RYR2: variants seen among roughly 807,000 people sequenced by gnomAD.
RYR2 encodes ryanodine receptor 2.
A neutral mutation model predicts 601.1 loss-of-function variants in RYR2; 227 were observed. That is an observed-to-expected ratio of 0.38 (90% CI 0.34 to 0.42). The LOEUF (loss-of-function observed/expected upper bound fraction) is 0.42. RYR2 is among the 10% of genes least tolerant of loss of function. The pLI is 1.00. For missense variants in RYR2, 4,646 were observed against 6,156.5 expected, an observed-to-expected ratio of 0.75 and a Z score of 8.21; for synonymous variants, 2,223 against 2,175.1, an observed-to-expected ratio of 1.02 and a Z score of -0.61.
At chr1:237,168,875 G>A (rs144380194) in intron 1 of RYR2, among the ~76,000 whole-genome samples, 9 of 152,092 alleles carry the variant, frequency 5.9e-5, no homozygotes, top group East Asian at 1.9e-4. Flanking sequence ...AAGTCTATCC[G>A]AGTCTTTCCT....
intron 6 of RYR2, among the ~76,000 whole-genome samples, chr1:237,373,687 G>A (rs1700814814): frequency 6.6e-6 from 1 of 152,176 alleles, no homozygotes; most frequent in Non-Finnish European, 1.5e-5. Context: ...TATACAGTTA[G>A]GAACACGTAA....
At chr1:237,081,791 C>T (rs1468871608) in intron 1 of RYR2, among the ~76,000 whole-genome samples, 2 of 152,014 alleles carry the variant, frequency 1.3e-5, no homozygotes, top group East Asian at 3.9e-4. Flanking sequence ...GAAACAAAAC[C>T]TTTACTCATG....
At chr1:237,193,616 C>T (rs573210907) in intron 1 of RYR2, among the ~76,000 whole-genome samples, 1 of 151,850 alleles carries the variant, frequency 6.6e-6, no homozygotes, top group East Asian at 1.9e-4. Context: ...TTGAATACTG[C>T]TTTTTTTTGA....
At chr1:237,144,978 T>C (rs908835495) in intron 1 of RYR2, among the ~76,000 whole-genome samples, 1 of 152,054 alleles carries the variant, frequency 6.6e-6, no homozygotes, top group Non-Finnish European at 1.5e-5. Context: ...TGGCCAATAG[T>C]TCTAAATGAA....
chr1:237,554,296 A>G (rs1369391121), intron 27 of RYR2, among the ~76,000 whole-genome samples: 1 of 151,964 alleles, frequency 6.6e-6, no homozygotes, highest in Non-Finnish European at 1.5e-5. Flanking sequence ...ATGACTATCA[A>G]GTGATTTTCA....
chr1:237,515,877 C>T (rs996142789), intron 24 of RYR2, among the ~76,000 whole-genome samples: 2 of 137,992 alleles, frequency 1.4e-5, no homozygotes, highest in African/African-American at 5.3e-5. Context: ...TCTTTTCCTT[C>T]CTCTTCTCCT....
At chr1:237,624,622 G>C (rs1679448179) in intron 39 of RYR2, among the ~76,000 whole-genome samples, 1 of 152,194 alleles carries the variant, frequency 6.6e-6, no homozygotes, top group African/African-American at 2.4e-5. Context: ...TTTGAAATTA[G>C]TGAATGCCTA....
At chr1:237,282,603 A>G (rs1691008942) in intron 2 of RYR2, among the ~76,000 whole-genome samples, 1 of 152,196 alleles carries the variant, frequency 6.6e-6, no homozygotes, top group African/African-American at 2.4e-5. Context: ...GGTTAGATGC[A>G]CTTGCCCTCC....
intron 1 of RYR2, among the ~76,000 whole-genome samples, chr1:237,083,413 C>A (rs1002665685): frequency 6.6e-6 from 1 of 152,226 alleles, no homozygotes; most frequent in East Asian, 1.9e-4. Flanking sequence ...GCCTTTCACT[C>A]GGGGATCTCA....
intron 1 of RYR2, among the ~76,000 whole-genome samples, chr1:237,177,497 A>G (rs1678188945): frequency 6.6e-6 from 1 of 152,182 alleles, no homozygotes. Flanking sequence ...AAAACTGCAT[A>G]CGAGCATGTT....
At chr1:237,043,690 T>TC (rs1175488486) in intron 1 of RYR2, among the ~76,000 whole-genome samples, 1 of 152,096 alleles carries the variant, frequency 6.6e-6, no homozygotes, top group Non-Finnish European at 1.5e-5. Context: ...TCCCCAGACT[T>TC]CCCCAACCTA....
chr1:237,422,942 G>C, intron 11 of RYR2, 150 bp from the exon 12 acceptor site: 2 of 873,844 alleles, frequency 2.3e-6, no homozygotes, highest in Non-Finnish European at 3.4e-6. Context: ...TTTGTTATTT[G>C]TGAAATGAAA....
intron 1 of RYR2, among the ~76,000 whole-genome samples, chr1:237,179,104 T>C (rs1002539184): frequency 1.3e-5 from 2 of 152,180 alleles, no homozygotes; most frequent in African/African-American, 4.8e-5. Flanking sequence ...TTTAGGGCAA[T>C]CCTAGCTCTC....
intron 17 of RYR2, among the ~76,000 whole-genome samples, chr1:237,472,541 T>G (rs894449874): frequency 1.3e-5 from 2 of 152,194 alleles, no homozygotes; most frequent in Non-Finnish European, 2.9e-5. Flanking sequence ...CATAGGTGAA[T>G]AGTTAAATTA....
At chr1:237,505,219 C>T (rs536111268) in intron 22 of RYR2, among the ~76,000 whole-genome samples, 28 of 152,210 alleles carry the variant, frequency 1.8e-4, no homozygotes, top group Admixed American at 1.8e-3. Context: ...AAATAGTCAC[C>T]CAACAAATGT....
At chr1:237,586,575 A>G (rs1230431738) in intron 29 of RYR2, among the ~76,000 whole-genome samples, 2 of 152,154 alleles carry the variant, frequency 1.3e-5, no homozygotes, top group Non-Finnish European at 2.9e-5. Flanking sequence ...GTTTTTAATC[A>G]CTTCATAGTA....
chr1:237,356,947 T>C (rs1314898978), intron 4 of RYR2, among the ~76,000 whole-genome samples: 2 of 152,192 alleles, frequency 1.3e-5, no homozygotes, highest in African/African-American at 4.8e-5. Flanking sequence ...TCATTATTTT[T>C]CTGGTTTTAG....
intron 2 of RYR2, among the ~76,000 whole-genome samples, chr1:237,272,169 G>A (rs772840086): frequency 1.3e-5 from 2 of 152,072 alleles, no homozygotes; most frequent in African/African-American, 2.4e-5. Flanking sequence ...GGAAGCAAAG[G>A]AACCATGGCA....
chr1:237,194,267 C>T (rs2149014911), intron 1 of RYR2, among the ~76,000 whole-genome samples: 1 of 152,254 alleles, frequency 6.6e-6, no homozygotes, highest in East Asian at 1.9e-4. Flanking sequence ...GATTAGAAAT[C>T]TAGAGAAGAA....
Sources: gnomAD v4.1 joint callset for allele counts (sites outside exome capture counted in the v4.1 genomes callset) on GRCh38, gnomAD v4.1.1 for gene constraint, MANE v1.5 for transcripts, NCBI Gene and HGNC (gene_info 2026-07-23, HGNC 2026-07-21) for gene names.